Variants in KNDC1 observed in about 807,000 individuals in gnomAD.
KNDC1 encodes the protein kinase non-catalytic C-lobe domain containing 1.
Under a neutral mutation model 172.8 loss-of-function variants are expected in KNDC1, and 106 were observed. That is an observed-to-expected ratio of 0.61 (90% confidence interval 0.52 to 0.72). KNDC1 has a LOEUF of 0.72. Ranked by LOEUF, KNDC1 falls within the 30% of genes least tolerant of loss-of-function variation. The probability of loss-of-function intolerance (pLI) is 0.00; values close to 1 mark genes in which losing one functional copy is unlikely to be tolerated. For synonymous variants in KNDC1, 1,083 were observed against 1,062.2 expected, an observed-to-expected ratio of 1.02 and a Z score of -0.38; for missense variants, 2,325 against 2,394.5, an observed-to-expected ratio of 0.97 and a Z score of 0.61.
intron 1 of KNDC1, among the ~76,000 whole-genome samples, chr10:133,166,820 C>T (rs770173010): frequency 4.6e-5 from 7 of 151,974 alleles, no homozygotes; most frequent in South Asian, 2.1e-4. Flanking sequence ...GGAGCCCACT[C>T]GGATTTGGAG....
chr10:133,206,758 A>G lies in KNDC1; in HGVS notation c.3461A>G (p.Gln1154Arg). 6.2e-7 allele frequency: 1 copy of G among 1,614,086 alleles called. No individual in the cohort carries two copies. The highest frequency in any genetic ancestry group is 8.5e-7 in the Non-Finnish European group (1 of 1,180,016). Residue 1154 changes from glutamine to arginine, a missense_variant, in exon 18 of 30, where the codon CAG (glutamine) becomes CGG (arginine). Transcript: ENST00000304613. ...KTLKFYQKLLQKEKRNKGSDV... is the reference protein window; with the variant it reads ...KTLKFYQKLLRKEKRNKGSDV... ...CTGAAGTTCTACCAGAAACTCTTACAGAAGGAAAAGAGGAACAAAGGTAAG... is the reference window on the plus strand; with the variant it reads ...CTGAAGTTCTACCAGAAACTCTTACGGAAGGAAAAGAGGAACAAAGGTAAG...
Position 133,162,363 on chromosome 10 carries a change from CAT to C in KNDC1, c.102+1795_102+1796del, listed in dbSNP as rs1853005836. 2.6e-5 allele frequency among the ~76,000 whole-genome samples: 4 copies of C among 152,188 alleles called. No individual in the cohort carries two copies. In the South Asian group the frequency reaches 8.3e-4, roughly 32 times the overall value. On this transcript the variant is annotated intron_variant, in intron 1 of 29. Transcript: ENST00000304613. ...TGAGGGCACGGTGAGGTTGCATCAT[CAT>C]CCCAGAATGCCGGAAGGCCAAGGGT...
chr10:133,220,123 GC>G lies in KNDC1; in HGVS notation c.5018+12del. The G allele has an allele frequency of 6.6e-7, 1 of 1,517,754 alleles. No homozygotes were observed. Among genetic ancestry groups the G allele is most frequent in the Non-Finnish European group, 8.9e-7 (1 of 1,121,796 alleles). 94.0% of individuals were successfully genotyped at this position (1,517,754 alleles called of 1,614,324 possible). On this transcript the variant is annotated intron_variant, in intron 29 of 29. Transcript: ENST00000304613. Reference sequence around the variant, plus strand: ...GTGGAGCAAGCTCAGGTGAGGAGGGGCTCAGGCGGCCGCGCGCCCAGGAGAG... The same window carrying G: ...GTGGAGCAAGCTCAGGTGAGGAGGGGTCAGGCGGCCGCGCGCCCAGGAGAG...
At chr10:133,168,713 C>T (rs1029631565) in intron 3 of KNDC1, among the ~76,000 whole-genome samples, 1 of 152,244 alleles carries the variant, frequency 6.6e-6, no homozygotes, top group Non-Finnish European at 1.5e-5. Flanking sequence ...AATCACAGCT[C>T]CTCTGAGGGA....
intron 7 of KNDC1, among the ~76,000 whole-genome samples, chr10:133,188,981 G>C (rs1444129339): frequency 6.6e-6 from 1 of 152,054 alleles, no homozygotes; most frequent in African/African-American, 2.4e-5. Flanking sequence ...GCCGTAAAGA[G>C]GAACGGGGAC....
At chr10:133,213,227 C>A (rs151266599) in intron 24 of KNDC1, among the ~76,000 whole-genome samples, 1 of 152,208 alleles carries the variant, frequency 6.6e-6, no homozygotes, top group Non-Finnish European at 1.5e-5. Context: ...CCGCATGGGG[C>A]GCTGAGTCTC....
rs551351119 is a variant in KNDC1 at position 133,206,733 on chromosome 10, C to T, written c.3436C>T (p.Leu1146=). The change falls in exon 18 of 30, where the codon CTG becomes TTG. Residue 1146 remains leucine (L), a synonymous_variant. Coordinates refer to ENST00000304613, the MANE Select transcript of KNDC1 (RefSeq NM_152643.8). Reference sequence around the variant, plus strand: ...GGAGAAAAGAAACTACCGCAAGACCCTGAAGTTCTACCAGAAACTCTTACA... The same window carrying T: ...GGAGAAAAGAAACTACCGCAAGACCTTGAAGTTCTACCAGAAACTCTTACA... ...MMEKRNYRKT[L]KFYQKLLQKE... is the part of the protein sequence containing the mutation. 62 of 1,614,096 alleles carry T rather than the reference C, an allele frequency of 3.8e-5. 1 individual carries two copies. In the South Asian group the frequency reaches 6.3e-4, roughly 16 times the overall value.
Position 133,224,893 on chromosome 10 carries a change from G to C in KNDC1, c.*3G>C. The C allele has an allele frequency of 2.5e-6, 4 of 1,604,344 alleles. No homozygotes were observed. Among genetic ancestry groups the C allele is most frequent in the Non-Finnish European group, 3.4e-6 (4 of 1,171,822 alleles). Reference sequence around the variant, plus strand: ...GGATGAAGGCTACATTCCAGTAGCCGAGCTCGGGCCTGGTGTGGAATTCCA... The same window carrying C: ...GGATGAAGGCTACATTCCAGTAGCCCAGCTCGGGCCTGGTGTGGAATTCCA... On this transcript the variant is annotated 3_prime_UTR_variant, in exon 30 of 30. Coordinates refer to ENST00000304613, the MANE Select transcript of KNDC1 (RefSeq NM_152643.8). The surrounding 1 kb of genome is among the most constrained non-coding windows in gnomAD (Gnocchi z 5.4).
chr10:133,222,056 C>T (rs113200737), intron 29 of KNDC1, among the ~76,000 whole-genome samples: 6,123 of 66,616 alleles, frequency 0.092, 1,609 homozygotes, highest in Non-Finnish European at 0.18. Flanking sequence ...CCGAGGCGGG[C>T]GGATCACTTG....
At chr10:133,198,051 G>C (rs1221271292) in intron 12 of KNDC1, among the ~76,000 whole-genome samples, 4 of 152,060 alleles carry the variant, frequency 2.6e-5, no homozygotes, top group Admixed American at 6.5e-5. Context: ...AGTCCACACA[G>C]AGCCCACCCC....
chr10:133,179,827 G>A (rs1468391892), intron 3 of KNDC1, among the ~76,000 whole-genome samples: 1 of 152,128 alleles, frequency 6.6e-6, no homozygotes, highest in Non-Finnish European at 1.5e-5. Context: ...GTCGCCCTGT[G>A]GCCTAAGGTG....
At chr10:133,160,592 G>A (rs1852933442) in intron 1 of KNDC1, 23 bp downstream of exon 1, 2 of 1,528,362 alleles carry the variant, frequency 1.3e-6, no homozygotes, top group African/African-American at 1.4e-5. Flanking sequence ...CCCCACTGGG[G>A]GGCCCCTTCC....
At chr10:133,176,637 C>T (rs1360232414) in intron 3 of KNDC1, among the ~76,000 whole-genome samples, 1 of 152,194 alleles carries the variant, frequency 6.6e-6, no homozygotes, top group East Asian at 1.9e-4. Context: ...CTTCTCACAG[C>T]TTCACTCACA....
At chr10:133,189,484 A>T in intron 7 of KNDC1, 114 bp from the exon 8 acceptor site, 1 of 994,886 alleles carries the variant, frequency 1.0e-6, no homozygotes. Context: ...TGCCCGTGCA[A>T]TGGGGAGGCT....
chr10:133,224,913 AT>A lies in KNDC1; in HGVS notation c.*25del, dbSNP rs747651519. The A allele has an allele frequency of 1.3e-6, 2 of 1,580,606 alleles. No homozygotes were observed. Among genetic ancestry groups the A allele is most frequent in the Non-Finnish European group, 1.7e-6 (2 of 1,151,576 alleles). On this transcript the variant is annotated 3_prime_UTR_variant, in exon 30 of 30. Coordinates refer to ENST00000304613, the MANE Select transcript of KNDC1 (RefSeq NM_152643.8). The surrounding 1 kb of genome is among the most constrained non-coding windows in gnomAD (Gnocchi z 5.4). ...TAGCCGAGCTCGGGCCTGGTGTGGA[AT>A]TCCAGATCCGAATCCGACTGTGGGG...
chr10:133,170,407 C>T (rs1853340010), intron 3 of KNDC1, among the ~76,000 whole-genome samples: 1 of 152,092 alleles, frequency 6.6e-6, no homozygotes, highest in African/African-American at 2.4e-5. Flanking sequence ...CTGGCTCCTG[C>T]AGGACACAGG....
At chr10:133,178,244 A>C (rs1452084827) in intron 3 of KNDC1, among the ~76,000 whole-genome samples, 1 of 151,648 alleles carries the variant, frequency 6.6e-6, no homozygotes. Flanking sequence ...AGCGTGTTGC[A>C]TGTCACAGGC....
rs377441169 is a variant in KNDC1 at position 133,224,929 on chromosome 10, C to T, written c.*39C>T. ...TGGTGTGGAATTCCAGATCCGAATC[C>T]GACTGTGGGGGGCGGGCTGGGAGGT... On this transcript the variant is annotated 3_prime_UTR_variant, in exon 30 of 30. Coordinates refer to ENST00000304613, the MANE Select transcript of KNDC1 (RefSeq NM_152643.8). The surrounding 1 kb of genome is among the most constrained non-coding windows in gnomAD (Gnocchi z 5.4). 2.2e-5 allele frequency: 34 copies of T among 1,528,876 alleles called. No individual in the cohort carries two copies. The highest frequency in any genetic ancestry group is 4.1e-5 in the African/African-American group (3 of 72,806). The allele number at this position is 1,528,876 out of a possible 1,614,324, so 94.7% of individuals were successfully genotyped here. A position where few individuals can be genotyped will look rare whatever the true frequency, so the allele number is the denominator to read the frequency against.
intron 15 of KNDC1, among the ~76,000 whole-genome samples, chr10:133,200,006 G>T (rs1854315260): frequency 6.6e-6 from 1 of 152,120 alleles, no homozygotes; most frequent in African/African-American, 2.4e-5. Flanking sequence ...ACTGAGCTGT[G>T]TTGGGTGGGG....
Sources: allele counts gnomAD v4.1 joint callset (sites outside exome capture counted in the v4.1 genomes callset), GRCh38; gene constraint gnomAD v4.1.1; non-coding constraint Gnocchi (gnomAD v3.1); transcripts MANE v1.5; gene names NCBI Gene and HGNC (gene_info 2026-07-23, HGNC 2026-07-21).